CSMD1: variants seen among roughly 807,000 people sequenced by gnomAD.
CSMD1 encodes CUB and sushi domain-containing protein 1.
CSMD1 carries 213 observed loss-of-function variants against 417.5 expected under a neutral mutation model. The ratio of observed to expected loss-of-function variants is 0.51; its 90% CI spans 0.46 to 0.57. The LOEUF is 0.57. Among genes scored for constraint, CSMD1 ranks in the 20% least tolerant of loss-of-function variants. CSMD1 has a pLI of 0.00. For synonymous variants in CSMD1, 2,862 were observed against 1,736.8 expected, an observed-to-expected ratio of 1.65 and a Z score of -16.11; for missense variants, 6,923 against 4,529.7, an observed-to-expected ratio of 1.53 and a Z score of -15.17.
intron 3 of CSMD1, among the ~76,000 whole-genome samples, chr8:4,245,182 G>A (rs930710545): frequency 1.3e-5 from 2 of 152,186 alleles, no homozygotes; most frequent in East Asian, 1.9e-4. Flanking sequence ...TCTTATTAGT[G>A]GCATGCTGTC....
intron 2 of CSMD1, 54 bp from the exon 3 acceptor site, chr8:4,420,119 A>AG (rs1411692159): frequency 4.5e-6 from 6 of 1,338,600 alleles, no homozygotes. Context: ...TTTGTCAAAA[A>AG]AAGCTTATTT....
intron 3 of CSMD1, among the ~76,000 whole-genome samples, chr8:4,191,002 A>T (rs1279146961): frequency 1.3e-5 from 2 of 152,148 alleles, no homozygotes; most frequent in Non-Finnish European, 2.9e-5. Flanking sequence ...TACTAGACTT[A>T]GTACTTGAGT....
At position 3,366,956 on chromosome 8, in the gene CSMD1, A is replaced by C. The variant is rs762373241; in HGVS notation, c.3115+76T>G. On this transcript the variant is annotated intron_variant, in intron 20 of 69. Transcript: ENST00000635120. ...ATGCACACATTACACACACACACACACCCACACACATTCTCACTAACAGAA... is the reference window on the plus strand; with the variant it reads ...ATGCACACATTACACACACACACACCCCCACACACATTCTCACTAACAGAA... The C allele has an allele frequency of 8.9e-5, 99 of 1,112,130 alleles. 2 individuals carry two copies. The Middle Eastern group carries it at 1.7e-3, about 19-fold the overall frequency. 68.9% of individuals were successfully genotyped at this position (1,112,130 alleles called of 1,614,324 possible).
At chr8:4,286,412 A>T (rs77672333) in intron 3 of CSMD1, among the ~76,000 whole-genome samples, 17,397 of 152,202 alleles carry the variant, frequency 0.11, 1,297 homozygotes, top group Non-Finnish European at 0.16. Flanking sequence ...TTAACATGAG[A>T]CAGAGAAAAA....
intron 26 of CSMD1, among the ~76,000 whole-genome samples, chr8:3,263,998 C>T (rs981577646): frequency 3.3e-5 from 5 of 152,038 alleles, no homozygotes; most frequent in Non-Finnish European, 7.4e-5. Flanking sequence ...ACTGAAAGAT[C>T]CTTAATTTGT....
chr8:3,992,785 T>C (rs900095376), intron 5 of CSMD1, among the ~76,000 whole-genome samples: 39 of 152,220 alleles, frequency 2.6e-4, no homozygotes, highest in Non-Finnish European at 5.9e-5. Context: ...AGTACTAACA[T>C]TAAAAAATTA....
intron 4 of CSMD1, among the ~76,000 whole-genome samples, chr8:4,021,612 A>C (rs1245489585): frequency 6.6e-6 from 1 of 152,178 alleles, no homozygotes; most frequent in Non-Finnish European, 1.5e-5. Context: ...CAAATGACTT[A>C]TCACATGTAG....
intron 2 of CSMD1, among the ~76,000 whole-genome samples, chr8:4,442,744 T>C (rs1029932606): frequency 6.7e-5 from 10 of 149,050 alleles, no homozygotes; most frequent in African/African-American, 2.3e-4. Flanking sequence ...GTCACTATTT[T>C]ATGTTTGCAT....
intron 5 of CSMD1, among the ~76,000 whole-genome samples, chr8:3,898,744 T>C (rs889346983): frequency 3.3e-5 from 5 of 152,196 alleles, no homozygotes; most frequent in African/African-American, 1.2e-4. Flanking sequence ...ACTTTTCTGC[T>C]ATTGAACCAC....
At chr8:3,461,653 C>T (rs1045617451) in intron 12 of CSMD1, among the ~76,000 whole-genome samples, 7 of 152,194 alleles carry the variant, frequency 4.6e-5, no homozygotes, top group Non-Finnish European at 1.0e-4. Flanking sequence ...TCCAGATCCT[C>T]ATGCCCAAGG....
At chr8:4,870,303 A>G (rs1802661940) in intron 1 of CSMD1, among the ~76,000 whole-genome samples, 1 of 152,144 alleles carries the variant, frequency 6.6e-6, no homozygotes, top group Admixed American at 6.5e-5. Flanking sequence ...TTGGAACAGA[A>G]AGACCCACAT....
chr8:3,609,211 T>C (rs984405905), intron 8 of CSMD1, among the ~76,000 whole-genome samples: 2 of 152,202 alleles, frequency 1.3e-5, no homozygotes, highest in African/African-American at 2.4e-5. Context: ...TGCCTGGACA[T>C]AGGCTACATA....
intron 2 of CSMD1, among the ~76,000 whole-genome samples, chr8:4,472,326 G>C (rs73514643): frequency 0.011 from 1,689 of 152,146 alleles, 33 homozygotes; most frequent in African/African-American, 0.039. Context: ...CTTACCAATA[G>C]TAGAGAAAGC....
chr8:4,403,467 A>G (rs1230037971), intron 3 of CSMD1, among the ~76,000 whole-genome samples: 4 of 152,102 alleles, frequency 2.6e-5, no homozygotes, highest in South Asian at 2.1e-4. Context: ...AGGGTCACCA[A>G]TGACCTACTT....
chr8:3,191,177 G>A (rs535557162), intron 33 of CSMD1, among the ~76,000 whole-genome samples: 3 of 152,182 alleles, frequency 2.0e-5, no homozygotes, highest in South Asian at 2.1e-4. Flanking sequence ...AGCCCCAGCC[G>A]GGTGCAGTGG....
At chr8:3,671,755 G>A (rs1383473626) in intron 7 of CSMD1, among the ~76,000 whole-genome samples, 1 of 151,616 alleles carries the variant, frequency 6.6e-6, no homozygotes, top group Non-Finnish European at 1.5e-5. Context: ...CACAAAACAG[G>A]CCCCTTGCTC....
intron 1 of CSMD1, among the ~76,000 whole-genome samples, chr8:4,921,770 C>T (rs1806514462): frequency 6.6e-6 from 1 of 152,082 alleles, no homozygotes; most frequent in South Asian, 2.1e-4. Flanking sequence ...TTCTTCTCCA[C>T]CAGCCATTTT....
intron 5 of CSMD1, among the ~76,000 whole-genome samples, chr8:3,817,292 T>TTTTA (rs1801439358): frequency 1.1e-5 from 1 of 93,578 alleles, no homozygotes; most frequent in African/African-American, 5.3e-5. Flanking sequence ...TTTTTTTTTT[T>TTTTA]TTTTTTGAGA....
At chr8:4,027,242 G>C (rs544234405) in intron 4 of CSMD1, among the ~76,000 whole-genome samples, 73 of 152,304 alleles carry the variant, frequency 4.8e-4, no homozygotes, top group African/African-American at 1.5e-3. Context: ...CACCAAAGTA[G>C]TTTGGCTGAT....
Sources: allele counts gnomAD v4.1 joint callset (sites outside exome capture counted in the v4.1 genomes callset), GRCh38; gene constraint gnomAD v4.1.1; transcripts MANE v1.5; gene names NCBI Gene and HGNC (gene_info 2026-07-23, HGNC 2026-07-21).